Variants in SIRPA observed in about 807,000 individuals in gnomAD.
SIRPA encodes signal regulatory protein alpha.
In SIRPA, 9 loss-of-function variants were observed where a neutral mutation model predicts 50.3. The ratio of observed to expected loss-of-function variants is 0.18; its 90% CI spans 0.11 to 0.31. The LOEUF is 0.31. SIRPA is among the 10% of genes least tolerant of loss of function. The probability of loss-of-function intolerance (pLI) is 1.00; values close to 1 mark genes in which losing one functional copy is unlikely to be tolerated. For synonymous variants in SIRPA, 265 were observed against 284.1 expected, an observed-to-expected ratio of 0.93 and a Z score of 0.68; for missense variants, 474 against 661.6, an observed-to-expected ratio of 0.72 and a Z score of 3.11.
chr20:1,901,460 T>C (rs929007885), intron 1 of SIRPA, among the ~76,000 whole-genome samples: 1 of 152,130 alleles, frequency 6.6e-6, no homozygotes, highest in Non-Finnish European at 1.5e-5. Context: ...CGTGAGCCAC[T>C]GCACCCGGCC....
In SIRPA at chr20:1,908,797, G is replaced by A. The variant is rs533003240; in HGVS notation, c.80-6302G>A. Among the ~76,000 whole-genome samples, 3 of 152,276 alleles carry A rather than the reference G, an allele frequency of 2.0e-5. 1 individual carries two copies. Among genetic ancestry groups the A allele is most frequent in the South Asian group, 4.1e-4 (2 of 4,824 alleles). ...TTCACGTGTTCTATTGCACAGCCCT[G>A]TACTATATCCTGTGTACATCCTCTT... On this transcript the variant is annotated intron_variant, in intron 1 of 7. Transcript: ENST00000358771.
At chr20:1,912,199 G>A (rs1380896842) in intron 1 of SIRPA, among the ~76,000 whole-genome samples, 2 of 152,052 alleles carry the variant, frequency 1.3e-5, no homozygotes, top group African/African-American at 4.8e-5. Flanking sequence ...ACAGGCCTCC[G>A]GCTGCACCAC....
rs745693949 is a variant in SIRPA at position 1,928,809 on chromosome 20, G to T, written c.1226+910G>T. Among the ~76,000 whole-genome samples the T allele has an allele frequency of 2.0e-5, 3 of 152,118 alleles. No individual in the cohort carries two copies. The highest frequency in any genetic ancestry group is 1.3e-4 in the Admixed American group (2 of 15,284). On this transcript the variant is annotated intron_variant, in intron 6 of 7. Coordinates refer to ENST00000358771, the MANE Select transcript of SIRPA (RefSeq NM_001040023.2). This position sits in a 1 kb window ranked among gnomAD's most constrained non-coding sequence, Gnocchi z 4.9. ...TAAGGTCAGGAAGACCCAGGTCCTC[G>T]GCATCCCGGTGTCCTTTGCAGATGC... is the stretch of plus-strand genomic sequence containing the variant.
intron 4 of SIRPA, among the ~76,000 whole-genome samples, chr20:1,922,897 G>C (rs1864501914): frequency 6.6e-6 from 1 of 152,148 alleles, no homozygotes; most frequent in South Asian, 2.1e-4. Context: ...GGGAGAGAGG[G>C]GGCCCATCTG....
chr20:1,918,202 TTTTC>T lies in SIRPA; in HGVS notation c.436+2751_436+2754del, dbSNP rs1477642171. ...AAGGTTTTTTGTTTGTTTGTTTGTT[TTTTC>T]TTTTTTTTTGAGATGGAGTTTCACT... On this transcript the variant is annotated intron_variant, in intron 2 of 7. Coordinates refer to ENST00000358771, the MANE Select transcript of SIRPA (RefSeq NM_001040023.2). Among the ~76,000 whole-genome samples, 12 of 104,970 alleles carry T rather than the reference TTTTC, an allele frequency of 1.1e-4. 1 individual carries two copies. In the South Asian group the frequency reaches 2.4e-3, roughly 21 times the overall value. The allele number at this position is 104,970 out of a possible 152,430, so 68.9% of individuals were successfully genotyped here. A position where few individuals can be genotyped will look rare whatever the true frequency, so the allele number is the denominator to read the frequency against.
At chr20:1,904,436 G>A (rs926858984) in intron 1 of SIRPA, among the ~76,000 whole-genome samples, 7 of 152,212 alleles carry the variant, frequency 4.6e-5, no homozygotes, top group African/African-American at 1.4e-4. Flanking sequence ...AGGCAGTCTG[G>A]TGCGGGGTGG....
rs566238887 is a variant in SIRPA, at chr20:1,926,525, G to T, written c.1202-1350G>T. Among the ~76,000 whole-genome samples, 5 of 152,384 alleles carry T rather than the reference G, an allele frequency of 3.3e-5. No homozygotes were observed. In the South Asian group the frequency reaches 1.0e-3, roughly 32 times the overall value. On this transcript the variant is annotated intron_variant, in intron 5 of 7. Coordinates refer to ENST00000358771, the MANE Select transcript of SIRPA (RefSeq NM_001040023.2). ...AAAGGCCACCCAGCCCGAGTGGCAG[G>T]TCTGTGTGCAGAGCCTAGCTCTCAA...
In SIRPA at chr20:1,924,730, C is replaced by T. The variant is rs768461019; in HGVS notation, c.1088-34C>T. The T allele has an allele frequency of 6.4e-7, 1 of 1,565,788 alleles. No individual in the cohort carries two copies. Among genetic ancestry groups the T allele is most frequent in the South Asian group, 1.1e-5 (1 of 90,090 alleles). ...GGTTTGGTTTTCTGTTTTTAATCTGCATACGTGAAGCCTCTATTCCATGTG... is the reference window on the plus strand; with the variant it reads ...GGTTTGGTTTTCTGTTTTTAATCTGTATACGTGAAGCCTCTATTCCATGTG... On this transcript the variant is annotated intron_variant, in intron 4 of 7. Transcript: ENST00000358771. The surrounding 1 kb of genome is among the most constrained non-coding windows in gnomAD (Gnocchi z 4.5).
At chr20:1,895,813 T>TC (rs1174433961) in intron 1 of SIRPA, among the ~76,000 whole-genome samples, 7 of 152,294 alleles carry the variant, frequency 4.6e-5, no homozygotes, top group Admixed American at 3.3e-4. Flanking sequence ...GTTGCTTCAC[T>TC]CAGCCCCTGC....
chr20:1,901,717 G>A (rs1016156674), intron 1 of SIRPA, among the ~76,000 whole-genome samples: 4 of 152,192 alleles, frequency 2.6e-5, no homozygotes, highest in African/African-American at 7.2e-5. Flanking sequence ...GGTGGAAGTC[G>A]GAAATGCTGC....
At chr20:1,911,682 C>T (rs1005708191) in intron 1 of SIRPA, among the ~76,000 whole-genome samples, 1 of 152,172 alleles carries the variant, frequency 6.6e-6, no homozygotes, top group Non-Finnish European at 1.5e-5. Context: ...AGATTTCACA[C>T]CTTTGGTTCA....
chr20:1,933,546 C>T lies in SIRPA; in HGVS notation c.1227-1169C>T, dbSNP rs1986411611. Among the ~76,000 whole-genome samples the T allele has an allele frequency of 6.6e-6, 1 of 152,114 alleles. No homozygotes were observed. ...TGAACCAGCCAGCCAGTGGGAAGCT[C>T]CAGGAGGGCTGGAGGCCAGTAGTGT... On this transcript the variant is annotated intron_variant, in intron 6 of 7. Coordinates refer to ENST00000358771, the MANE Select transcript of SIRPA (RefSeq NM_001040023.2). The surrounding 1 kb of genome is among the most constrained non-coding windows in gnomAD (Gnocchi z 4.4).
chr20:1,931,155 G>A (rs1338321061), intron 6 of SIRPA, among the ~76,000 whole-genome samples: 1 of 152,152 alleles, frequency 6.6e-6, no homozygotes. Context: ...CAAAGGACTT[G>A]TTAAAACACA....
In SIRPA at chr20:1,924,517, C is replaced by T. The variant is rs2073056; in HGVS notation, c.1088-247C>T. On this transcript the variant is annotated intron_variant, in intron 4 of 7. Transcript: ENST00000358771. This position sits in a 1 kb window ranked among gnomAD's most constrained non-coding sequence, Gnocchi z 4.5. ...CTGTATCCTGCAGCAGGGGTTCCTC[C>T]GTAGCTGTCAGCTACAAATATATTC... 0.24 allele frequency among the ~76,000 whole-genome samples: 36,087 copies of T among 152,162 alleles called. 4,407 individuals are homozygous for T. Among genetic ancestry groups the T allele is most frequent in the Admixed American group, 0.29 (4,432 of 15,290 alleles).
chr20:1,916,601 C>T (rs1985314270), intron 2 of SIRPA, among the ~76,000 whole-genome samples: 1 of 152,172 alleles, frequency 6.6e-6, no homozygotes, highest in South Asian at 2.1e-4. Context: ...ATTGGAAAAC[C>T]GCTCCCAAAT....
upstream of SIRPA, chr20:1,894,869 G>A (rs1452742025): frequency 6.8e-6 from 1 of 147,520 alleles, no homozygotes; most frequent in Admixed American, 6.7e-5. The surrounding 1 kb of genome is among the most constrained non-coding windows in gnomAD (Gnocchi z 4.0). Context: ...GGGAAGGAGG[G>A]AGGGGGTCGG....
At chr20:1,918,503 C>T (rs1012295613) in intron 2 of SIRPA, among the ~76,000 whole-genome samples, 16 of 151,790 alleles carry the variant, frequency 1.1e-4, no homozygotes, top group Admixed American at 5.9e-4. Context: ...TGAGCCACTG[C>T]GCCCTGCCAT....
chr20:1,914,331 A>G (rs17775933), intron 1 of SIRPA, among the ~76,000 whole-genome samples: 62,164 of 152,000 alleles, frequency 0.41, 13,004 homozygotes, highest in East Asian at 0.66. Context: ...CGATGACTCT[A>G]AAGACCAGAT....
chr20:1,914,537 C>CTG (rs1404821084), intron 1 of SIRPA, among the ~76,000 whole-genome samples: 123 of 150,254 alleles, frequency 8.2e-4, no homozygotes, highest in African/African-American at 2.8e-3. Context: ...GGGACTCAAA[C>CTG]ACACTGGCAC....
Sources: gnomAD v4.1 joint callset for allele counts (sites outside exome capture counted in the v4.1 genomes callset) on GRCh38, gnomAD v4.1.1 for gene constraint, Gnocchi (gnomAD v3.1) non-coding constraint, MANE v1.5 for transcripts, NCBI Gene and HGNC (gene_info 2026-07-23, HGNC 2026-07-21) for gene names.